GFRA1: variants seen among roughly 807,000 people sequenced by gnomAD.
The protein encoded by GFRA1 is GDNF family receptor alpha 1.
In GFRA1, 16 loss-of-function variants were observed where a neutral mutation model predicts 51.6. The ratio of observed to expected loss-of-function variants is 0.31; its 90% confidence interval spans 0.21 to 0.47. The LOEUF (loss-of-function observed/expected upper bound fraction) is 0.47, where lower values mean the gene tolerates loss of function less well. Ranked by LOEUF, GFRA1 falls within the 20% of genes least tolerant of loss-of-function variation. GFRA1 has a pLI of 1.00. For synonymous variants in GFRA1, 270 were observed against 241.3 expected, an observed-to-expected ratio of 1.12 and a Z score of -1.10; for missense variants, 530 against 594.3, an observed-to-expected ratio of 0.89 and a Z score of 1.13.
chr10:116,237,862 A>G (rs1316263420), intron 4 of GFRA1, among the ~76,000 whole-genome samples: 2 of 152,192 alleles, frequency 1.3e-5, no homozygotes, highest in East Asian at 1.9e-4. Flanking sequence ...AAAGGTCACA[A>G]GGAAGTGGGG....
chr10:116,148,683 T>G (rs183890134), intron 5 of GFRA1, among the ~76,000 whole-genome samples: 14 of 152,304 alleles, frequency 9.2e-5, no homozygotes, highest in Admixed American at 9.2e-4. Flanking sequence ...GGGGTACATA[T>G]GGACAGCCTC....
At chr10:116,171,258 G>A (rs965318081) in intron 5 of GFRA1, among the ~76,000 whole-genome samples, 4 of 152,200 alleles carry the variant, frequency 2.6e-5, no homozygotes, top group Non-Finnish European at 4.4e-5. Context: ...TATTTCCGAC[G>A]TAGGTACATG....
chr10:116,072,525 G>T (rs1286468574), intron 9 of GFRA1, among the ~76,000 whole-genome samples: 1 of 152,168 alleles, frequency 6.6e-6, no homozygotes, highest in Non-Finnish European at 1.5e-5. Flanking sequence ...ACTTTGGAAG[G>T]CCAAGGTGGG....
intron 5 of GFRA1, among the ~76,000 whole-genome samples, chr10:116,148,697 A>T (rs1589825670): frequency 6.6e-6 from 1 of 152,302 alleles, no homozygotes; most frequent in East Asian, 1.9e-4. Flanking sequence ...CAGCCTCATA[A>T]ATATAAAATG....
At chr10:116,255,654 C>A (rs1478287031) in intron 4 of GFRA1, 2 of 1,289,092 alleles carry the variant, frequency 1.6e-6, no homozygotes, top group Non-Finnish European at 2.0e-6. Context: ...CTCCCCACAT[C>A]CCCACATTCC....
chr10:116,090,187 G>A (rs909653864), intron 8 of GFRA1, among the ~76,000 whole-genome samples: 1 of 152,024 alleles, frequency 6.6e-6, no homozygotes, highest in South Asian at 2.1e-4. Flanking sequence ...TCCTGTTTAC[G>A]TGCCAGGTGC....
At chr10:116,068,899 G>A (rs934762107) in intron 9 of GFRA1, among the ~76,000 whole-genome samples, 29 of 152,258 alleles carry the variant, frequency 1.9e-4, no homozygotes, top group African/African-American at 6.5e-4. Context: ...AAATTGGGAC[G>A]TCCCAGGAAA....
At chr10:116,236,388 C>G (rs1054198828) in intron 4 of GFRA1, among the ~76,000 whole-genome samples, 1 of 152,088 alleles carries the variant, frequency 6.6e-6, no homozygotes, top group African/African-American at 2.4e-5. Context: ...AAAAAGGTTA[C>G]CAGGACTTTC....
At chr10:116,199,755 C>A (rs1964180274) in intron 5 of GFRA1, among the ~76,000 whole-genome samples, 1 of 152,034 alleles carries the variant, frequency 6.6e-6, no homozygotes, top group South Asian at 2.1e-4. Flanking sequence ...CAGTGAAATG[C>A]ACAAATCTTA....
intron 5 of GFRA1, among the ~76,000 whole-genome samples, chr10:116,205,440 C>T (rs1353696045): frequency 1.3e-5 from 2 of 151,602 alleles, no homozygotes; most frequent in East Asian, 2.0e-4. Context: ...CTGGGCGTAG[C>T]GGCACGTGCC....
chr10:116,216,344 G>A (rs754750742), intron 4 of GFRA1, among the ~76,000 whole-genome samples: 1 of 152,212 alleles, frequency 6.6e-6, no homozygotes, highest in Admixed American at 6.5e-5. Flanking sequence ...GGTTAAGTGA[G>A]TTGGCTCTGC....
chr10:116,237,573 GCAA>G (rs1391987270), intron 4 of GFRA1, among the ~76,000 whole-genome samples: 21 of 74,784 alleles, frequency 2.8e-4, no homozygotes, highest in African/African-American at 3.9e-4. Flanking sequence ...TAAACTAAAG[GCAA>G]AAAAAAAAAA....
At chr10:116,190,492 A>C (rs1963152941) in intron 5 of GFRA1, among the ~76,000 whole-genome samples, 1 of 152,206 alleles carries the variant, frequency 6.6e-6, no homozygotes, top group Non-Finnish European at 1.5e-5. Context: ...AGCTCCCCTA[A>C]AGGTACAGGC....
At chr10:116,202,304 G>C (rs531741063) in intron 5 of GFRA1, among the ~76,000 whole-genome samples, 2 of 152,298 alleles carry the variant, frequency 1.3e-5, no homozygotes, top group Admixed American at 1.3e-4. Flanking sequence ...AAAGGATTTG[G>C]GCTGAGTTTT....
chr10:116,194,275 A>G (rs1327112618), intron 5 of GFRA1, among the ~76,000 whole-genome samples: 1 of 152,144 alleles, frequency 6.6e-6, no homozygotes, highest in Non-Finnish European at 1.5e-5. Flanking sequence ...TGAGAACACA[A>G]TATCTAAAAA....
At position 116,254,539 on chromosome 10, in the gene GFRA1, A is replaced by C. The variant is rs143482902; in HGVS notation, c.418+14964T>G. On this transcript the variant is annotated intron_variant, in intron 4 of 10. Coordinates refer to ENST00000355422, the MANE Select transcript of GFRA1 (RefSeq NM_005264.8). ...AAAAAAGAAGAAGAAAAAAAGAAAG[A>C]AAGCATCTCCTGCCCTACTGATGGG... Among the ~76,000 whole-genome samples, 605 of 151,952 alleles carry C rather than the reference A, an allele frequency of 4.0e-3. 3 individuals are homozygous for C. The highest frequency in any genetic ancestry group is 6.8e-3 in the Non-Finnish European group (463 of 67,974).
intron 5 of GFRA1, among the ~76,000 whole-genome samples, chr10:116,160,236 A>G (rs951536683): frequency 1.4e-4 from 21 of 152,226 alleles, no homozygotes; most frequent in African/African-American, 4.8e-4. Flanking sequence ...ACATTTCTGT[A>G]CACTAAATTT....
chr10:116,100,352 C>G (rs74771909), intron 6 of GFRA1, among the ~76,000 whole-genome samples: 1,872 of 152,272 alleles, frequency 0.012, 35 homozygotes, highest in African/African-American at 0.042. Flanking sequence ...AGGCACGGAG[C>G]CTTTAAGCAA....
intron 9 of GFRA1, among the ~76,000 whole-genome samples, chr10:116,072,362 G>T (rs959146284): frequency 3.9e-5 from 6 of 152,172 alleles, no homozygotes; most frequent in Non-Finnish European, 7.3e-5. Context: ...AAAGGGACAG[G>T]TTGGCTTCTA....
Sources: allele counts gnomAD v4.1 joint callset (sites outside exome capture counted in the v4.1 genomes callset), GRCh38; gene constraint gnomAD v4.1.1; transcripts MANE v1.5; gene names NCBI Gene and HGNC (gene_info 2026-07-23, HGNC 2026-07-21).